The following ATP8A1 variants were observed in gnomAD, a reference collection of about 807,000 sequenced individuals.
The protein encoded by ATP8A1 is phospholipid-transporting ATPase IA.
ATP8A1 carries 90 observed loss-of-function variants against 177.7 expected under a neutral mutation model. The ratio of observed to expected loss-of-function variants is 0.51; its 90% CI spans 0.43 to 0.60. ATP8A1 has a LOEUF of 0.60. Ranked by LOEUF, ATP8A1 falls within the 20% of genes least tolerant of loss-of-function variation. The pLI, the probability that ATP8A1 is intolerant of heterozygous loss-of-function variation, is 0.00. For missense variants in ATP8A1, 1,072 were observed against 1,392.8 expected (o/e 0.77, Z 3.67); for synonymous variants, 493 against 485.9 (o/e 1.01, Z -0.19).
intron 5 of ATP8A1, among the ~76,000 whole-genome samples, chr4:42,612,525 C>T (rs981677982): frequency 1.3e-5 from 2 of 150,850 alleles, no homozygotes; most frequent in Non-Finnish European, 2.9e-5. Context: ...TCACTCACAT[C>T]CCTGGACTTC....
At chr4:42,521,090 G>C (rs1481986760) in intron 22 of ATP8A1, among the ~76,000 whole-genome samples, 1 of 152,178 alleles carries the variant, frequency 6.6e-6, no homozygotes. Context: ...TACACAGTTC[G>C]ATAGAGAGGA....
chr4:42,414,641 T>C lies in ATP8A1; in HGVS notation c.3383A>G (p.Gln1128Arg). The change falls in exon 36 of 37, where the codon CAA (glutamine) becomes CGA (arginine). Residue 1128 changes from glutamine (Q) to arginine (R), a missense_variant. Coordinates refer to ENST00000381668, the MANE Select transcript of ATP8A1 (RefSeq NM_006095.2). Reference protein sequence around the residue: ...HVNLYRSESLQQNLLHGYAFS... With the variant: ...HVNLYRSESLRQNLLHGYAFS... ...CAAATACTCACGGAGCAGATTTTGT[T>C]GCAAGGATTCAGAGCGGTACAAGTT... 3 of 1,613,888 alleles carry C rather than the reference T, an allele frequency of 1.9e-6. No individual in the cohort carries two copies. The highest frequency in any genetic ancestry group is 2.2e-5 in the South Asian group (2 of 91,082).
intron 25 of ATP8A1, among the ~76,000 whole-genome samples, chr4:42,467,103 A>T (rs987784811): frequency 2.0e-5 from 3 of 152,348 alleles, no homozygotes; most frequent in Admixed American, 6.5e-5. Context: ...AGGTGAGCTG[A>T]CATTAGTGAT....
intron 24 of ATP8A1, among the ~76,000 whole-genome samples, chr4:42,502,506 C>T (rs528633109): frequency 6.6e-5 from 10 of 152,156 alleles, no homozygotes; most frequent in Non-Finnish European, 1.2e-4. Flanking sequence ...CCATACGCTA[C>T]GGAAGGTAAA....
intron 23 of ATP8A1, among the ~76,000 whole-genome samples, chr4:42,505,977 A>G (rs1724322305): frequency 6.6e-6 from 1 of 152,092 alleles, no homozygotes; most frequent in African/African-American, 2.4e-5. Flanking sequence ...TCCAATGCCA[A>G]ACAACTTTCC....
intron 35 of ATP8A1, among the ~76,000 whole-genome samples, chr4:42,420,315 AG>A (rs915707982): frequency 6.6e-6 from 1 of 152,210 alleles, no homozygotes; most frequent in African/African-American, 2.4e-5. Context: ...ATGCTGGTCC[AG>A]GGTTTTTTGT....
chr4:42,556,030 G>A lies in ATP8A1; in HGVS notation c.1351C>T (p.Gln451Ter). The part of the protein sequence containing the change: ...GCSPDEWQNS[Q>*]FGDEKTFSDS... ...CTAAATGTTTTTTCATCTCCAAACTGTGAGTTCTGCCTGAAGGGGGTAAAA... is the reference window on the plus strand; with the variant it reads ...CTAAATGTTTTTTCATCTCCAAACTATGAGTTCTGCCTGAAGGGGGTAAAA... Residue 451 changes from glutamine (Q) to a stop codon, truncating the protein, a stop_gained, in exon 16 of 37, where the codon CAG (glutamine) becomes TAG (stop). Transcript: ENST00000381668. LOFTEE classifies it high-confidence loss of function. 2 of 1,611,118 alleles carry A rather than the reference G, an allele frequency of 1.2e-6. No individual in the cohort carries two copies. Among genetic ancestry groups the A allele is most frequent in the Non-Finnish European group, 1.7e-6 (2 of 1,178,370 alleles).
intron 5 of ATP8A1, 83 bp from the exon 6 acceptor site, chr4:42,600,601 A>C: frequency 7.7e-7 from 1 of 1,295,412 alleles, no homozygotes; most frequent in Non-Finnish European, 1.1e-6. Flanking sequence ...TTTTAAACGA[A>C]TAGCTTCAGT....
intron 33 of ATP8A1, among the ~76,000 whole-genome samples, chr4:42,442,928 C>G (rs1004599336): frequency 1.5e-4 from 23 of 152,096 alleles, no homozygotes; most frequent in Non-Finnish European, 2.9e-4. Flanking sequence ...AATCATAAAC[C>G]CTCCTACTGC....
intron 30 of ATP8A1, among the ~76,000 whole-genome samples, chr4:42,447,049 T>C (rs1717351863): frequency 6.6e-6 from 1 of 152,226 alleles, no homozygotes; most frequent in South Asian, 2.1e-4. Context: ...AAGGGATTCA[T>C]AAAAGCAACT....
intron 6 of ATP8A1, among the ~76,000 whole-genome samples, chr4:42,593,736 C>T (rs1734432698): frequency 1.3e-5 from 2 of 151,930 alleles, no homozygotes; most frequent in African/African-American, 4.8e-5. Context: ...GTTCTGACTA[C>T]TAATTCATGA....
intron 36 of ATP8A1, 101 bp from the exon 37 acceptor site, chr4:42,413,114 G>A (rs1277751150): frequency 2.3e-6 from 2 of 854,584 alleles, no homozygotes; most frequent in African/African-American, 3.4e-5. Context: ...AACAAATGCA[G>A]CCTTCCCACA....
rs576674381 is a variant in ATP8A1 at position 42,422,667 on chromosome 4, A to G, written c.3305+140T>C. 2.9e-5 allele frequency: 19 copies of G among 648,702 alleles called. No individual in the cohort carries two copies. In the African/African-American group the frequency reaches 3.1e-4, roughly 11 times the overall value. The allele number at this position is 648,702 out of a possible 1,614,324, so 40.2% of individuals were successfully genotyped here. A position where few individuals can be genotyped will look rare whatever the true frequency, so the allele number is the denominator to read the frequency against. On this transcript the variant is annotated intron_variant, in intron 35 of 36. Coordinates refer to ENST00000381668, the MANE Select transcript of ATP8A1 (RefSeq NM_006095.2). ...TAGAAAGCGACAGATTTAAATCCAC[A>G]TGTCTCTGACTCCCAAACCTGCCAA...
At chr4:42,444,512 AC>A in intron 32 of ATP8A1, 65 bp downstream of exon 32, 1 of 1,482,304 alleles carries the variant, frequency 6.7e-7, no homozygotes, top group Non-Finnish European at 9.4e-7. Flanking sequence ...GAAGACCACC[AC>A]CAAGACTGGA....
At chr4:42,574,790 T>A in intron 13 of ATP8A1, 83 bp from the exon 14 acceptor site, 1 of 896,148 alleles carries the variant, frequency 1.1e-6, no homozygotes, top group Non-Finnish European at 1.7e-6. Flanking sequence ...TGCTTTTTAT[T>A]AACATTGCAG....
rs772627948 is a variant in ATP8A1, at chr4:42,507,017, G to T, written c.2085C>A (p.Ile695=). 1.2e-6 allele frequency: 2 copies of T among 1,612,766 alleles called. No individual in the cohort carries two copies. The highest frequency in any genetic ancestry group is 2.2e-5 in the South Asian group (2 of 90,490). Residue 695 remains isoleucine (I), a splice_region_variant and synonymous_variant, in exon 23 of 37, where the codon ATC becomes ATA. Transcript: ENST00000381668. Reference sequence around the variant, plus strand: ...TAAAATGTGAACTAGGTGAATTACCGATGTTAATGGCAGTTTCTTGCTTGT... The same window carrying T: ...TAAAATGTGAACTAGGTGAATTACCTATGTTAATGGCAGTTTCTTGCTTGT... ...TGDKQETAIN[I]GHSCKLLKKN...
chr4:42,639,608 T>C (rs1478055103), intron 1 of ATP8A1, among the ~76,000 whole-genome samples: 1 of 152,220 alleles, frequency 6.6e-6, no homozygotes, highest in East Asian at 1.9e-4. Flanking sequence ...CTGCTCTAAA[T>C]GAATTCCTAG....
chr4:42,590,910 A>G (rs1411537441), intron 6 of ATP8A1, 26 bp from the exon 7 acceptor site: 1 of 1,493,566 alleles, frequency 6.7e-7, no homozygotes, highest in Non-Finnish European at 9.0e-7. Context: ...TAAAATAATT[A>G]AAATGGCCAA....
chr4:42,489,403 C>T (rs1047154094), intron 24 of ATP8A1, among the ~76,000 whole-genome samples: 1 of 152,136 alleles, frequency 6.6e-6, no homozygotes, highest in Non-Finnish European at 1.5e-5. Context: ...TCTCTAAATT[C>T]GTGACATCAG....
Sources: gnomAD v4.1 joint callset for allele counts (sites outside exome capture counted in the v4.1 genomes callset) on GRCh38, gnomAD v4.1.1 for gene constraint, MANE v1.5 for transcripts, NCBI Gene and HGNC (gene_info 2026-07-23, HGNC 2026-07-21) for gene names.